Variants in EXT1 observed in about 807,000 individuals in gnomAD.
EXT1 encodes the protein exostosin-1.
Under a neutral mutation model 82.5 loss-of-function variants are expected in EXT1, and 20 were observed. That is an observed-to-expected ratio of 0.24 (90% confidence interval 0.17 to 0.35). EXT1 has a LOEUF of 0.35. Ranked by LOEUF, EXT1 falls within the 10% of genes least tolerant of loss-of-function variation. The pLI is 1.00. For missense variants in EXT1, 757 were observed against 936.5 expected (o/e 0.81, Z 2.50); for synonymous variants, 348 against 350.8 (o/e 0.99, Z 0.09).
intron 1 of EXT1, among the ~76,000 whole-genome samples, chr8:118,091,744 C>CAAAAA (rs555971666): frequency 6.6e-6 from 1 of 152,032 alleles, no homozygotes; most frequent in African/African-American, 2.4e-5. Flanking sequence ...GACTCCATCT[C>CAAAAA]ACAAAAATAA....
chr8:117,870,086 T>C (rs1812843134), intron 1 of EXT1, among the ~76,000 whole-genome samples: 1 of 152,134 alleles, frequency 6.6e-6, no homozygotes, highest in South Asian at 2.1e-4. Context: ...TTTTAAGACT[T>C]TGCTCCTTAC....
At chr8:117,856,830 T>C (rs1274542946) in intron 1 of EXT1, among the ~76,000 whole-genome samples, 1 of 152,246 alleles carries the variant, frequency 6.6e-6, no homozygotes, top group South Asian at 2.1e-4. Context: ...ATGACTTTCA[T>C]AGCTAGGGAA....
intron 1 of EXT1, among the ~76,000 whole-genome samples, chr8:117,925,854 T>C (rs1008658181): frequency 6.6e-6 from 1 of 152,088 alleles, no homozygotes; most frequent in African/African-American, 2.4e-5. Context: ...ACCAAGATTG[T>C]GCCACTGCAC....
intron 8 of EXT1, among the ~76,000 whole-genome samples, chr8:117,809,435 G>C (rs1823287475): frequency 6.6e-6 from 1 of 151,390 alleles, no homozygotes; most frequent in Non-Finnish European, 1.5e-5. Flanking sequence ...TCAGGAGTTT[G>C]AGACCAGCTT....
intron 1 of EXT1, among the ~76,000 whole-genome samples, chr8:117,868,101 C>G (rs528772925): frequency 6.6e-6 from 1 of 152,298 alleles, no homozygotes; most frequent in South Asian, 2.1e-4. Context: ...CAGCCACCAG[C>G]ATGTTCATTC....
At chr8:118,061,224 A>G (rs1816875778) in intron 1 of EXT1, among the ~76,000 whole-genome samples, 2 of 152,230 alleles carry the variant, frequency 1.3e-5, no homozygotes, top group Non-Finnish European at 2.9e-5. Flanking sequence ...CATTCAATAA[A>G]GGCTGAAATT....
chr8:118,111,768 A>G lies in EXT1; in HGVS notation c.-722T>C, dbSNP rs192302720. ...CCCGCGGGCAGTGCCGGCCCCGAGCAGCGCTTCGCAGGCCCCCGCGCGAAC... is the reference window on the plus strand; with the variant it reads ...CCCGCGGGCAGTGCCGGCCCCGAGCGGCGCTTCGCAGGCCCCCGCGCGAAC... On this transcript the variant is annotated 5_prime_UTR_variant, in exon 1 of 11. Coordinates refer to ENST00000378204, the MANE Select transcript of EXT1 (RefSeq NM_000127.3). The G allele has an allele frequency of 0.059, 8,788 of 148,824 alleles. 808 individuals are homozygous for G. The highest frequency in any genetic ancestry group is 0.19 in the African/African-American group (7,860 of 41,054). The allele number at this position is 148,824 out of a possible 1,614,324, so 9.2% of individuals were successfully genotyped here. A position where few individuals can be genotyped will look rare whatever the true frequency, so the allele number is the denominator to read the frequency against.
At chr8:118,109,950 G>C (rs1230484011) in intron 1 of EXT1, 135 bp downstream of exon 1, 1 of 1,394,090 alleles carries the variant, frequency 7.2e-7, no homozygotes, top group Non-Finnish European at 1.0e-6. Flanking sequence ...AACCGGATTT[G>C]CTCAGTTCCA....
intron 1 of EXT1, among the ~76,000 whole-genome samples, chr8:117,994,874 G>A (rs888738317): frequency 5.9e-5 from 9 of 152,138 alleles, no homozygotes; most frequent in Non-Finnish European, 8.8e-5. Flanking sequence ...CCCAGCAGAC[G>A]GTCTGAATCC....
intron 4 of EXT1, among the ~76,000 whole-genome samples, chr8:117,826,981 T>C (rs1021728466): frequency 6.6e-6 from 1 of 152,198 alleles, no homozygotes; most frequent in African/African-American, 2.4e-5. Flanking sequence ...ACCATATTCA[T>C]GCAATAAACC....
intron 1 of EXT1, among the ~76,000 whole-genome samples, chr8:118,031,621 C>T (rs1816320669): frequency 6.6e-6 from 1 of 151,856 alleles, no homozygotes; most frequent in Non-Finnish European, 1.5e-5. Context: ...CAATAAAACC[C>T]TCTGTGAGCA....
At chr8:117,940,712 G>T (rs1047429986) in intron 1 of EXT1, among the ~76,000 whole-genome samples, 1 of 152,202 alleles carries the variant, frequency 6.6e-6, no homozygotes, top group African/African-American at 2.4e-5. Flanking sequence ...TTCAGAATGA[G>T]AATTTCTGGT....
chr8:117,804,893 T>C lies in EXT1; in HGVS notation c.1884A>G (p.Lys628=). The part of the protein sequence containing the change: ...MVLTGAAIYH[K]YYHYLYSHYL... ...AATGGGAGTATAGGTAGTGATAATA[T>C]CTGTAAAAATCAAAGATGGGTTTCA... Residue 628 remains lysine (K), a splice_region_variant and synonymous_variant, in exon 10 of 11, where the codon AAA becomes AAG. Coordinates refer to ENST00000378204, the MANE Select transcript of EXT1 (RefSeq NM_000127.3). The C allele has an allele frequency of 1.2e-6, 2 of 1,613,960 alleles. No homozygotes were observed. Among genetic ancestry groups the C allele is most frequent in the East Asian group, 2.2e-5 (1 of 44,884 alleles).
chr8:117,953,424 C>T (rs938562911), intron 1 of EXT1, among the ~76,000 whole-genome samples: 1 of 151,812 alleles, frequency 6.6e-6, no homozygotes, highest in East Asian at 1.9e-4. Flanking sequence ...TTTCTTAGCA[C>T]TGTGAGCCCC....
chr8:117,933,759 A>G (rs1245815848), intron 1 of EXT1, among the ~76,000 whole-genome samples: 2 of 152,234 alleles, frequency 1.3e-5, no homozygotes, highest in African/African-American at 4.8e-5. Flanking sequence ...CACGGGGCAC[A>G]GAAAGATGAT....
intron 1 of EXT1, among the ~76,000 whole-genome samples, chr8:117,980,698 GTTTTTTTTTTTTT>G (rs1330631748): frequency 2.3e-5 from 1 of 43,830 alleles, no homozygotes; most frequent in African/African-American, 8.8e-5. Flanking sequence ...GGTGTTGGTG[GTTTTTTTTTTTTT>G]TTTTTTTTTT....
intron 1 of EXT1, among the ~76,000 whole-genome samples, chr8:118,024,814 A>G (rs1816174330): frequency 6.6e-6 from 1 of 152,230 alleles, no homozygotes; most frequent in Non-Finnish European, 1.5e-5. Context: ...AAATCAGATC[A>G]CAGGAGGCAT....
intron 1 of EXT1, among the ~76,000 whole-genome samples, chr8:118,043,798 C>A (rs1352715166): frequency 6.6e-6 from 1 of 152,178 alleles, no homozygotes; most frequent in Non-Finnish European, 1.5e-5. Context: ...CTCCTTACAC[C>A]TCCACTACTG....
chr8:118,038,250 T>G (rs1344775771), intron 1 of EXT1, among the ~76,000 whole-genome samples: 1 of 152,188 alleles, frequency 6.6e-6, no homozygotes, highest in Non-Finnish European at 1.5e-5. Context: ...ACAAAATATA[T>G]GAAAAGGCAA....
Sources: allele counts gnomAD v4.1 joint callset (sites outside exome capture counted in the v4.1 genomes callset), GRCh38; gene constraint gnomAD v4.1.1; transcripts MANE v1.5; gene names NCBI Gene and HGNC (gene_info 2026-07-23, HGNC 2026-07-21).